BCAS3: variants seen among roughly 807,000 people sequenced by gnomAD.
The protein encoded by BCAS3 is BCAS4/BCAS3 fusion.
BCAS3 carries 53 observed loss-of-function variants against 116.1 expected under a neutral mutation model. The observed-to-expected ratio is 0.46, with a 90% CI of 0.37 to 0.57. The LOEUF (loss-of-function observed/expected upper bound fraction) is 0.57. Ranked by LOEUF, BCAS3 falls within the 20% of genes least tolerant of loss-of-function variation. BCAS3 has a pLI of 0.00. For missense variants in BCAS3, 917 were observed against 1,165.4 expected (o/e 0.79, Z 3.10); for synonymous variants, 391 against 408.2 (o/e 0.96, Z 0.51).
intron 22 of BCAS3, among the ~76,000 whole-genome samples, chr17:61,271,589 CTGTGTGTGTGTGTGTG>C (rs34693526): frequency 1.6e-4 from 19 of 118,366 alleles, no homozygotes; most frequent in East Asian, 5.2e-4. Flanking sequence ...ACGCCCAGCT[CTGTGTGTGTGTGTGTG>C]TGTGTGTGTG....
chr17:61,371,772 C>A (rs143836827), intron 23 of BCAS3, among the ~76,000 whole-genome samples: 17 of 152,144 alleles, frequency 1.1e-4, no homozygotes, highest in African/African-American at 4.1e-4. Context: ...CGTAGCCAGG[C>A]GCCGGTGAGA....
chr17:61,069,707 G>T, intron 19 of BCAS3: 2 of 544,012 alleles, frequency 3.7e-6, no homozygotes, highest in South Asian at 4.2e-5. Flanking sequence ...GCATGGTGGC[G>T]CACGCCTGTA....
At position 61,300,942 on chromosome 17, in the gene BCAS3, T is replaced by C. The variant is rs2053378362; in HGVS notation, c.2426-67385T>C. ...TCTGGCCAAGCCTGCAGACCCTTTCTCAGAATATTTTTAAATAAATAAAGT... is the reference window on the plus strand; with the variant it reads ...TCTGGCCAAGCCTGCAGACCCTTTCCCAGAATATTTTTAAATAAATAAAGT... On this transcript the variant is annotated intron_variant, in intron 22 of 23. Transcript: ENST00000407086. The surrounding 1 kb of genome is among the most constrained non-coding windows in gnomAD (Gnocchi z 5.1). 6.6e-6 allele frequency among the ~76,000 whole-genome samples: 1 copy of C among 152,234 alleles called. No homozygotes were observed. The highest frequency in any genetic ancestry group is 2.4e-5 in the African/African-American group (1 of 41,476).
rs140540857 is a variant in BCAS3, at chr17:60,957,798, G to A, written c.1221+10446G>A. On this transcript the variant is annotated intron_variant, in intron 14 of 23. Coordinates refer to ENST00000407086, the MANE Select transcript of BCAS3 (RefSeq NM_017679.5). The stretch of plus-strand genomic sequence containing the variant: ...TCTTCTGTAAAATGGGGCCAATACC[G>A]ATTTCAGAGTTTATTGAGGAAATAA... Among the ~76,000 whole-genome samples, 4 of 152,222 alleles carry A rather than the reference G, an allele frequency of 2.6e-5. No individual in the cohort carries two copies. The East Asian group carries it at 5.8e-4, about 22-fold the overall frequency.
At position 61,208,340 on chromosome 17, in the gene BCAS3, T is replaced by C. The variant is rs1279755198; in HGVS notation, c.2425+123776T>C. 2.0e-5 allele frequency among the ~76,000 whole-genome samples: 3 copies of C among 152,222 alleles called. No individual in the cohort carries two copies. Among genetic ancestry groups the C allele is most frequent in the African/African-American group, 7.2e-5 (3 of 41,454 alleles). On this transcript the variant is annotated intron_variant, in intron 22 of 23. Transcript: ENST00000407086. This position sits in a 1 kb window ranked among gnomAD's most constrained non-coding sequence, Gnocchi z 4.5. ...TTCTTCTTGATGTTCTGTTAAAGCC[T>C]TGCTAAGCTCTGACTCAGCCTGACT...
At chr17:60,904,775 G>C (rs2058100026) in intron 11 of BCAS3, among the ~76,000 whole-genome samples, 1 of 152,236 alleles carries the variant, frequency 6.6e-6, no homozygotes, top group Non-Finnish European at 1.5e-5. Context: ...CGAGGCTACA[G>C]TGAGCCATGA....
chr17:61,103,587 G>C (rs1402359640), intron 22 of BCAS3, among the ~76,000 whole-genome samples: 1 of 152,174 alleles, frequency 6.6e-6, no homozygotes, highest in Non-Finnish European at 1.5e-5. Context: ...AAAAGGCAAA[G>C]AAATGAAGCT....
chr17:60,895,286 G>A (rs1020833503), intron 10 of BCAS3, among the ~76,000 whole-genome samples: 3 of 152,054 alleles, frequency 2.0e-5, no homozygotes, highest in Admixed American at 1.3e-4. Context: ...ATCTTGTTAC[G>A]TTAGGTTGTA....
chr17:61,144,016 C>A lies in BCAS3; in HGVS notation c.2425+59452C>A, dbSNP rs1233097443. Among the ~76,000 whole-genome samples, 9 of 152,094 alleles carry A rather than the reference C, an allele frequency of 5.9e-5. No homozygotes were observed. The highest frequency in any genetic ancestry group is 5.9e-4 in the Admixed American group (9 of 15,270). The stretch of plus-strand genomic sequence containing the variant: ...AAATACTAAATTCCCATAACCTATG[C>A]AAATTACATTTTAGGCAAGTAATGC... On this transcript the variant is annotated intron_variant, in intron 22 of 23. Transcript: ENST00000407086. This position sits in a 1 kb window ranked among gnomAD's most constrained non-coding sequence, Gnocchi z 5.0.
At chr17:60,916,054 C>A (rs988268577) in intron 12 of BCAS3, among the ~76,000 whole-genome samples, 1 of 152,084 alleles carries the variant, frequency 6.6e-6, no homozygotes, top group Non-Finnish European at 1.5e-5. Context: ...ATTATTCACC[C>A]CTTGAAGGAC....
intron 22 of BCAS3, among the ~76,000 whole-genome samples, chr17:61,197,374 AT>A (rs1464577082): frequency 6.6e-6 from 1 of 152,226 alleles, no homozygotes; most frequent in East Asian, 1.9e-4. Flanking sequence ...TAATGAATAC[AT>A]TTATAGGTGT....
chr17:60,843,898 A>T (rs1394639521), intron 7 of BCAS3, among the ~76,000 whole-genome samples: 2 of 152,238 alleles, frequency 1.3e-5, no homozygotes, highest in East Asian at 3.8e-4. Flanking sequence ...ACCTACTAGA[A>T]TATGTTCAAC....
chr17:60,982,167 C>T (rs1225644285), intron 14 of BCAS3, among the ~76,000 whole-genome samples: 1 of 148,232 alleles, frequency 6.7e-6, no homozygotes, highest in Non-Finnish European at 1.5e-5. Context: ...TTTAAAATAC[C>T]AAAGTTATTT....
intron 19 of BCAS3, among the ~76,000 whole-genome samples, chr17:61,057,763 C>A (rs551520912): frequency 6.6e-5 from 10 of 151,866 alleles, no homozygotes; most frequent in Non-Finnish European, 1.5e-4. Context: ...AACAAAGCAG[C>A]CTGTGCTATT....
At chr17:61,247,210 G>A (rs2048040771) in intron 22 of BCAS3, among the ~76,000 whole-genome samples, 1 of 151,906 alleles carries the variant, frequency 6.6e-6, no homozygotes, top group Non-Finnish European at 1.5e-5. Flanking sequence ...ATAAAGATGA[G>A]GTTTTTAAAA....
intron 22 of BCAS3, among the ~76,000 whole-genome samples, chr17:61,262,610 A>G (rs1465149017): frequency 6.6e-6 from 1 of 151,884 alleles, no homozygotes; most frequent in Non-Finnish European, 1.5e-5. Context: ...TGAACTCCTG[A>G]CCTCAGGTGA....
intron 2 of BCAS3, among the ~76,000 whole-genome samples, chr17:60,681,709 G>A (rs1335481460): frequency 6.7e-6 from 1 of 149,084 alleles, no homozygotes; most frequent in Non-Finnish European, 1.5e-5. Context: ...GGATCACCAC[G>A]CCTGGCTAAT....
At chr17:60,769,471 T>C (rs1388289531) in intron 6 of BCAS3, among the ~76,000 whole-genome samples, 1 of 152,156 alleles carries the variant, frequency 6.6e-6, no homozygotes, top group African/African-American at 2.4e-5. Flanking sequence ...CTCCTTGGCC[T>C]GGTGCTGGAG....
intron 5 of BCAS3, among the ~76,000 whole-genome samples, chr17:60,717,383 T>G (rs1488594123): frequency 6.6e-6 from 1 of 151,996 alleles, no homozygotes; most frequent in Non-Finnish European, 1.5e-5. Context: ...GCCTGGGTAC[T>G]TTTTGTATTT....
Sources: allele counts gnomAD v4.1 joint callset (sites outside exome capture counted in the v4.1 genomes callset), GRCh38; gene constraint gnomAD v4.1.1; non-coding constraint Gnocchi (gnomAD v3.1); transcripts MANE v1.5; gene names NCBI Gene and HGNC (gene_info 2026-07-23, HGNC 2026-07-21).